The following PCDHGA11 variants were observed in gnomAD, a reference collection of about 807,000 sequenced individuals.
The protein encoded by PCDHGA11 is protocadherin gamma-A11.
Under a neutral mutation model 60.4 loss-of-function variants are expected in PCDHGA11, and 39 were observed. The observed-to-expected ratio is 0.65, with a 90% CI of 0.50 to 0.84. The LOEUF is 0.84. PCDHGA11 is among the 40% of genes least tolerant of loss of function. PCDHGA11 has a pLI of 0.00. For synonymous variants in PCDHGA11, 533 were observed against 510.3 expected (o/e 1.04, Z -0.60); for missense variants, 1,165 against 1,197.7 (o/e 0.97, Z 0.40).
At chr5:141,488,913 A>G (rs887938731) in intron 1 of PCDHGA11, among the ~76,000 whole-genome samples, 4 of 152,196 alleles carry the variant, frequency 2.6e-5, no homozygotes, top group African/African-American at 7.2e-5. Flanking sequence ...TGTGTTCCCA[A>G]GGTTTCCAGG....
intron 1 of PCDHGA11, chr5:141,440,564 A>T (rs531383065): frequency 1.3e-5 from 2 of 152,248 alleles, no homozygotes; most frequent in Non-Finnish European, 2.9e-5. Context: ...TAAGTTACGT[A>T]TCTCTGAGTT....
chr5:141,485,177 C>T lies in PCDHGA11; in HGVS notation c.2434-9630C>T. ...AGAGAATTAGCGGGCGGCAGCAATG[C>T]TCCGCAAGGTGAGAAGCTGGACAGA... On this transcript the variant is annotated intron_variant, in intron 1 of 3. Coordinates refer to ENST00000398587, the MANE Select transcript of PCDHGA11 (RefSeq NM_018914.3). This position sits in a 1 kb window ranked among gnomAD's most constrained non-coding sequence, Gnocchi z 5.7. 1 of 1,612,024 alleles carries T rather than the reference C, an allele frequency of 6.2e-7. No homozygotes were observed. Among genetic ancestry groups the T allele is most frequent in the South Asian group, 1.1e-5 (1 of 90,956 alleles).
At chr5:141,467,704 C>T (rs2099149502) in intron 1 of PCDHGA11, among the ~76,000 whole-genome samples, 2 of 152,174 alleles carry the variant, frequency 1.3e-5, no homozygotes. Flanking sequence ...CTCTGTTGCC[C>T]AGGCTGGAGT....
In PCDHGA11 at chr5:141,432,167, T is replaced by G. The variant is rs559707772; in HGVS notation, c.2433+8507T>G. The G allele has an allele frequency of 1.4e-5, 22 of 1,613,962 alleles. No homozygotes were observed. The highest frequency in any genetic ancestry group is 9.3e-5 in the African/African-American group (7 of 74,972). On this transcript the variant is annotated intron_variant, in intron 1 of 3. Coordinates refer to ENST00000398587, the MANE Select transcript of PCDHGA11 (RefSeq NM_018914.3). The surrounding 1 kb of genome is among the most constrained non-coding windows in gnomAD (Gnocchi z 6.0). Reference sequence around the variant, plus strand: ...CCCAGAGAACAATCCCAGAGGAGTTTCCCTCGTCTCTGTGACCGCCCACGA... The same window carrying G: ...CCCAGAGAACAATCCCAGAGGAGTTGCCCTCGTCTCTGTGACCGCCCACGA...
Position 141,486,824 on chromosome 5 carries a change from G to A in PCDHGA11, c.2434-7983G>A, listed in dbSNP as rs749609525. On this transcript the variant is annotated intron_variant, in intron 1 of 3. Coordinates refer to ENST00000398587, the MANE Select transcript of PCDHGA11 (RefSeq NM_018914.3). The surrounding 1 kb of genome is among the most constrained non-coding windows in gnomAD (Gnocchi z 5.0). ...CCCACCCCTTAGCAGCACTGTAACA[G>A]TTCGTCTATTTGTGCTGGACCTCAA... is the stretch of plus-strand genomic sequence containing the variant. 1 of 1,614,218 alleles carries A rather than the reference G, an allele frequency of 6.2e-7. No homozygotes were observed. Among genetic ancestry groups the A allele is most frequent in the Non-Finnish European group, 8.5e-7 (1 of 1,180,028 alleles).
chr5:141,452,387 G>A (rs1052689230), intron 1 of PCDHGA11, among the ~76,000 whole-genome samples: 5 of 152,146 alleles, frequency 3.3e-5, no homozygotes, highest in African/African-American at 1.2e-4. Context: ...ATAGTATTTA[G>A]AAACTAAGAT....
intron 1 of PCDHGA11, among the ~76,000 whole-genome samples, chr5:141,452,082 T>A (rs924362905): frequency 3.3e-5 from 5 of 152,240 alleles, no homozygotes; most frequent in Non-Finnish European, 7.3e-5. Context: ...GTTGGCATTA[T>A]ACAGTAAGAA....
intron 1 of PCDHGA11, among the ~76,000 whole-genome samples, chr5:141,479,050 C>T (rs1484021560): frequency 6.6e-6 from 1 of 152,164 alleles, no homozygotes; most frequent in African/African-American, 2.4e-5. Context: ...ACCTCATTCT[C>T]AGATAATTTT....
At chr5:141,494,976 G>A in intron 2 of PCDHGA11, 111 bp downstream of exon 2, 1 of 1,575,636 alleles carries the variant, frequency 6.3e-7, no homozygotes. Flanking sequence ...TTCTCCCTCA[G>A]TTTGAGATCC....
intron 1 of PCDHGA11, among the ~76,000 whole-genome samples, chr5:141,465,995 A>G (rs551920109): frequency 1.4e-3 from 208 of 151,976 alleles, no homozygotes; most frequent in African/African-American, 4.8e-3. Context: ...GGTGGCAGGC[A>G]CCTGTAGTCC....
chr5:141,435,372 T>C (rs2097759153), intron 1 of PCDHGA11, among the ~76,000 whole-genome samples: 1 of 152,216 alleles, frequency 6.6e-6, no homozygotes, highest in African/African-American at 2.4e-5. Context: ...CACTTAAATA[T>C]ACAATATACC....
chr5:141,492,077 C>G (rs917149790), intron 1 of PCDHGA11: 1 of 483,342 alleles, frequency 2.1e-6, no homozygotes, highest in African/African-American at 2.0e-5. Context: ...GGCGCCGGCT[C>G]CGGCACGCTT....
rs747671382 is a variant in PCDHGA11 at position 141,444,152 on chromosome 5, A to ATTTTTTT, written c.2433+20522_2433+20528dup. On this transcript the variant is annotated intron_variant, in intron 1 of 3. Coordinates refer to ENST00000398587, the MANE Select transcript of PCDHGA11 (RefSeq NM_018914.3). ...GATATGTGTCACTTGTGTGTACTGG[A>ATTTTTTT]TTTTTTTTTTTTTTTTTTTTTTTTT... Among the ~76,000 whole-genome samples, 8 of 33,896 alleles carry ATTTTTTT rather than the reference A, an allele frequency of 2.4e-4. 2 individuals are homozygous for ATTTTTTT. The highest frequency in any genetic ancestry group is 2.1e-3 in the South Asian group (2 of 962). 22.2% of individuals were successfully genotyped at this position (33,896 alleles called of 152,430 possible).
Position 141,477,140 on chromosome 5 carries a change from G to GT in PCDHGA11, c.2434-17665dup. ...AGCACATTGCAAAGTGTTGGTGGAG[G>GT]TTGTGGATGTGAATGACAACGCCCC... On this transcript the variant is annotated intron_variant, in intron 1 of 3. Transcript: ENST00000398587. The surrounding 1 kb of genome is among the most constrained non-coding windows in gnomAD (Gnocchi z 4.9). 1 of 1,614,220 alleles carries GT rather than the reference G, an allele frequency of 6.2e-7. No homozygotes were observed. Among genetic ancestry groups the GT allele is most frequent in the Non-Finnish European group, 8.5e-7 (1 of 1,180,048 alleles).
At position 141,431,954 on chromosome 5, in the gene PCDHGA11, G is replaced by A. The variant is rs912037044; in HGVS notation, c.2433+8294G>A. 6.2e-7 allele frequency: 1 copy of A among 1,613,992 alleles called. No individual in the cohort carries two copies. Among genetic ancestry groups the A allele is most frequent in the African/African-American group, 1.3e-5 (1 of 74,896 alleles). ...GCCCTTTAAATTAGAAAAATCTTAC[G>A]GAAATTACTATAGTTTAGTCACAGA... is the stretch of plus-strand genomic sequence containing the variant. On this transcript the variant is annotated intron_variant, in intron 1 of 3. Coordinates refer to ENST00000398587, the MANE Select transcript of PCDHGA11 (RefSeq NM_018914.3). This position sits in a 1 kb window ranked among gnomAD's most constrained non-coding sequence, Gnocchi z 4.8.
In PCDHGA11 at chr5:141,476,245, G is replaced by C; in HGVS notation, c.2434-18562G>C. 3.1e-6 allele frequency: 5 copies of C among 1,614,086 alleles called. No homozygotes were observed. The highest frequency in any genetic ancestry group is 3.4e-6 in the Non-Finnish European group (4 of 1,180,026). On this transcript the variant is annotated intron_variant, in intron 1 of 3. Transcript: ENST00000398587. This position sits in a 1 kb window ranked among gnomAD's most constrained non-coding sequence, Gnocchi z 7.6. The stretch of plus-strand genomic sequence containing the variant: ...ATGAGATCCCGGAGGAAAGAGAGAA[G>C]GGTTTCGCTGTGGGCAACGTGGTCG...
At position 141,432,818 on chromosome 5, in the gene PCDHGA11, T is replaced by C. The variant is rs370597280; in HGVS notation, c.2433+9158T>C. On this transcript the variant is annotated intron_variant, in intron 1 of 3. Transcript: ENST00000398587. This position sits in a 1 kb window ranked among gnomAD's most constrained non-coding sequence, Gnocchi z 6.0. The stretch of plus-strand genomic sequence containing the variant: ...CGAGTCTCCAGCTAACTCTGAAACC[T>C]CAGACCTCACTCTGTACCTGGTGGT... 9.9e-6 allele frequency: 16 copies of C among 1,614,106 alleles called. No individual in the cohort carries two copies. The highest frequency in any genetic ancestry group is 1.4e-5 in the Non-Finnish European group (16 of 1,179,986).
intron 1 of PCDHGA11, among the ~76,000 whole-genome samples, chr5:141,457,745 G>T (rs1039982528): frequency 6.6e-6 from 1 of 152,232 alleles, no homozygotes; most frequent in Non-Finnish European, 1.5e-5. Flanking sequence ...TTTTAAAGCT[G>T]AGCCCAGACA....
chr5:141,430,913 C>A (rs1485488693), intron 1 of PCDHGA11: 1 of 1,607,720 alleles, frequency 6.2e-7, no homozygotes, highest in East Asian at 2.2e-5. Context: ...CTCCAGGGAC[C>A]TGGGGCTGGA....
Sources: allele counts gnomAD v4.1 joint callset (sites outside exome capture counted in the v4.1 genomes callset), GRCh38; gene constraint gnomAD v4.1.1; non-coding constraint Gnocchi (gnomAD v3.1); transcripts MANE v1.5; gene names NCBI Gene and HGNC (gene_info 2026-07-23, HGNC 2026-07-21).